Variants in NRG1 observed in about 807,000 individuals in gnomAD.
NRG1 encodes the protein pro-neuregulin-1, membrane-bound isoform.
A neutral mutation model predicts 63.8 loss-of-function variants in NRG1; 18 were observed. The ratio of observed to expected loss-of-function variants is 0.28; its 90% CI spans 0.19 to 0.42. The LOEUF (loss-of-function observed/expected upper bound fraction) is 0.42, where lower values mean the gene tolerates loss of function less well. NRG1 is among the 10% of genes least tolerant of loss of function. NRG1 has a pLI of 1.00. For synonymous variants in NRG1, 302 were observed against 301.3 expected (o/e 1.00, Z -0.02); for missense variants, 762 against 814.7 (o/e 0.94, Z 0.79).
chr8:31,982,265 T>C (rs1254318184), intron 1 of NRG1, among the ~76,000 whole-genome samples: 1 of 152,076 alleles, frequency 6.6e-6, no homozygotes, highest in Non-Finnish European at 1.5e-5. Context: ...ATAGTCATTC[T>C]TAGATCATTC....
intron 1 of NRG1, among the ~76,000 whole-genome samples, chr8:32,041,228 TTCAG>T (rs1324448899): frequency 1.3e-5 from 2 of 152,190 alleles, no homozygotes; most frequent in African/African-American, 4.8e-5. Flanking sequence ...TCTTTTTCTC[TTCAG>T]TCAAAGACAA....
chr8:32,231,717 A>T (rs1228794878), intron 1 of NRG1, among the ~76,000 whole-genome samples: 1 of 151,820 alleles, frequency 6.6e-6, no homozygotes, highest in Non-Finnish European at 1.5e-5. Context: ...CCTGACCAAT[A>T]TGGTAAACTC....
intron 1 of NRG1, among the ~76,000 whole-genome samples, chr8:32,386,357 C>T (rs1210128542): frequency 2.0e-5 from 3 of 152,224 alleles, no homozygotes; most frequent in African/African-American, 4.8e-5. Context: ...AAGAGTTAGA[C>T]GACCCAGACT....
At chr8:31,947,413 T>C (rs1271993898) in intron 1 of NRG1, among the ~76,000 whole-genome samples, 1 of 152,164 alleles carries the variant, frequency 6.6e-6, no homozygotes, top group African/African-American at 2.4e-5. Context: ...TTCAGCTATG[T>C]TGTTTTTGTT....
Position 31,952,065 on chromosome 8 carries a change from C to T in NRG1, c.37+312634C>T, listed in dbSNP as rs142123099. Among the ~76,000 whole-genome samples, 3 of 152,260 alleles carry T rather than the reference C, an allele frequency of 2.0e-5. No individual in the cohort carries two copies. In the East Asian group the frequency reaches 5.8e-4, roughly 29 times the overall value. On this transcript the variant is annotated intron_variant, in intron 1 of 10. Coordinates refer to the NRG1 transcript ENST00000519301. ...ACTTTCAGAATCTAAGTTGATATTG[C>T]GGTCTGCTGCTAACCAGCTCTTTCC...
At chr8:32,691,562 A>G (rs533967432) in intron 5 of NRG1, among the ~76,000 whole-genome samples, 1 of 152,300 alleles carries the variant, frequency 6.6e-6, no homozygotes, top group African/African-American at 2.4e-5. Context: ...TGCAATTACA[A>G]CCACAAAATT....
chr8:31,825,695 G>A (rs1004521583), intron 1 of NRG1, among the ~76,000 whole-genome samples: 2 of 152,112 alleles, frequency 1.3e-5, no homozygotes, highest in African/African-American at 4.8e-5. Context: ...AAAGAACAAA[G>A]CTTGGATGGC....
intron 1 of NRG1, among the ~76,000 whole-genome samples, chr8:31,804,631 G>A (rs985467511): frequency 6.6e-6 from 1 of 152,172 alleles, no homozygotes; most frequent in Non-Finnish European, 1.5e-5. Flanking sequence ...GTAGGGGGAG[G>A]CCTGCAGGCT....
At chr8:32,515,314 G>T (rs758364395) in intron 1 of NRG1, among the ~76,000 whole-genome samples, 14 of 151,996 alleles carry the variant, frequency 9.2e-5, no homozygotes, top group Non-Finnish European at 2.1e-4. Context: ...GGTGTGAGGT[G>T]GTATCTCTTT....
At chr8:32,334,318 G>A (rs1024492337) in intron 1 of NRG1, among the ~76,000 whole-genome samples, 2 of 152,124 alleles carry the variant, frequency 1.3e-5, no homozygotes, top group Non-Finnish European at 2.9e-5. Context: ...ATATTAAAAA[G>A]CTCAGTGTAA....
intron 1 of NRG1, among the ~76,000 whole-genome samples, chr8:32,517,193 C>T (rs1352149947): frequency 6.6e-6 from 1 of 152,158 alleles, no homozygotes; most frequent in African/African-American, 2.4e-5. Flanking sequence ...TTTCCAACCA[C>T]ATTGTCCTCT....
intron 1 of NRG1, among the ~76,000 whole-genome samples, chr8:32,184,263 C>T (rs918726767): frequency 1.3e-5 from 2 of 152,134 alleles, no homozygotes; most frequent in Non-Finnish European, 2.9e-5. Context: ...GCACTTCACA[C>T]AGTATCTGCT....
chr8:32,494,728 C>T (rs917046904), intron 1 of NRG1, among the ~76,000 whole-genome samples: 1 of 152,136 alleles, frequency 6.6e-6, no homozygotes, highest in Non-Finnish European at 1.5e-5. Flanking sequence ...CTTAGAAAAA[C>T]TAGCATCCAG....
intron 1 of NRG1, among the ~76,000 whole-genome samples, chr8:31,643,352 C>A (rs1198171713): frequency 1.3e-5 from 2 of 152,228 alleles, no homozygotes; most frequent in African/African-American, 4.8e-5. Context: ...AGCTCTGCTG[C>A]TCTCAGCTGC....
rs540608917 is a variant in NRG1, at chr8:32,513,891, C to T, written c.38-81937C>T. 2.1e-4 allele frequency among the ~76,000 whole-genome samples: 32 copies of T among 152,144 alleles called. No homozygotes were observed. The South Asian group carries it at 2.9e-3, about 14-fold the overall frequency. ...CATATAATATTTCTGCATAGAAAAA[C>T]GGACCATCTAAATGGGAAAGGGGAG... is the stretch of plus-strand genomic sequence containing the variant. On this transcript the variant is annotated intron_variant, in intron 1 of 10. Transcript: ENST00000519301.
intron 11 of NRG1, chr8:32,763,137 G>A (rs1211519741): frequency 1.4e-6 from 2 of 1,411,342 alleles, no homozygotes; most frequent in East Asian, 2.3e-5. Context: ...TGCATTTCAT[G>A]GAAAAAATGA....
At chr8:32,749,839 C>T in intron 7 of NRG1, 1 of 537,852 alleles carries the variant, frequency 1.9e-6, no homozygotes, top group Non-Finnish European at 3.3e-6. Flanking sequence ...GCTGCAAATT[C>T]ACATATATCC....
At chr8:31,736,930 C>G (rs533745741) in intron 1 of NRG1, among the ~76,000 whole-genome samples, 2 of 152,124 alleles carry the variant, frequency 1.3e-5, no homozygotes, top group Non-Finnish European at 2.9e-5. Context: ...ACCTCTGAGA[C>G]CCATTGTAAA....
chr8:32,285,030 A>G (rs1445994637), intron 1 of NRG1, among the ~76,000 whole-genome samples: 1 of 152,200 alleles, frequency 6.6e-6, no homozygotes, highest in Non-Finnish European at 1.5e-5. Context: ...CTTGCAATTA[A>G]ATTAGAAAAA....
Sources: gnomAD v4.1 joint callset for allele counts (sites outside exome capture counted in the v4.1 genomes callset) on GRCh38, gnomAD v4.1.1 for gene constraint, MANE v1.5 for transcripts, NCBI Gene and HGNC (gene_info 2026-07-23, HGNC 2026-07-21) for gene names.